RAC1: variants seen among roughly 807,000 people sequenced by gnomAD.
The protein encoded by RAC1 is ras-related C3 botulinum toxin substrate 1.
In RAC1, 2 loss-of-function variants were observed where a neutral mutation model predicts 25.2. The observed-to-expected ratio is 0.08, with a 90% CI of 0.03 to 0.25. The LOEUF is 0.25. Among genes scored for constraint, RAC1 ranks in the 10% least tolerant of loss-of-function variants. The probability of loss-of-function intolerance (pLI) is 1.00; values close to 1 mark genes in which losing one functional copy is unlikely to be tolerated. For missense variants in RAC1, 50 were observed against 235.7 expected, an observed-to-expected ratio of 0.21 and a Z score of 5.16; for synonymous variants, 88 against 94.0, an observed-to-expected ratio of 0.94 and a Z score of 0.37.
intron 1 of RAC1, among the ~76,000 whole-genome samples, chr7:6,378,253 G>A (rs1441740853): frequency 3.3e-5 from 5 of 151,736 alleles, no homozygotes. Flanking sequence ...ACACCCGTAT[G>A]AAAATATGTC....
chr7:6,377,307 G>A (rs1782635433), intron 1 of RAC1, among the ~76,000 whole-genome samples: 1 of 151,954 alleles, frequency 6.6e-6, no homozygotes, highest in Non-Finnish European at 1.5e-5. Context: ...GAAGTGAAAT[G>A]TACCTGGCCA....
intron 3 of RAC1, among the ~76,000 whole-genome samples, chr7:6,395,060 T>C (rs836473): frequency 3.3e-4 from 50 of 152,028 alleles, no homozygotes; most frequent in Non-Finnish European, 5.6e-4. Context: ...TTCACCATGT[T>C]AGCCAGGATG....
chr7:6,388,100 C>T (rs1300833361), intron 2 of RAC1, among the ~76,000 whole-genome samples: 1 of 152,050 alleles, frequency 6.6e-6, no homozygotes, highest in African/African-American at 2.4e-5. Flanking sequence ...TATTGAATTG[C>T]TTACTCCCTA....
At chr7:6,396,389 C>T (rs1372123691) in intron 3 of RAC1, among the ~76,000 whole-genome samples, 3 of 152,096 alleles carry the variant, frequency 2.0e-5, no homozygotes, top group African/African-American at 4.8e-5. Context: ...ACCAGAAGCA[C>T]TAGACAGGGT....
intron 1 of RAC1, among the ~76,000 whole-genome samples, chr7:6,386,327 G>A (rs1009737966): frequency 2.0e-5 from 3 of 152,178 alleles, no homozygotes; most frequent in African/African-American, 4.8e-5. Context: ...GCAGTTACGT[G>A]TGGTAGTTTA....
At position 6,387,301 on chromosome 7, in the gene RAC1, G is replaced by T. The variant is rs557770932; in HGVS notation, c.107+18G>T. 7 of 1,493,060 alleles carry T rather than the reference G, an allele frequency of 4.7e-6. No individual in the cohort carries two copies. The South Asian group carries it at 4.9e-5, about 10-fold the overall frequency. 92.5% of individuals were successfully genotyped at this position (1,493,060 alleles called of 1,614,324 possible). ...CCTACTGTGTAAGTATCTTAAATTGGGAATTAACCTGTTTGTGTTACGGGT... is the reference window on the plus strand; with the variant it reads ...CCTACTGTGTAAGTATCTTAAATTGTGAATTAACCTGTTTGTGTTACGGGT... On this transcript the variant is annotated intron_variant, in intron 2 of 5. Transcript: ENST00000348035.
At chr7:6,396,235 C>G (rs1449853438) in intron 3 of RAC1, among the ~76,000 whole-genome samples, 3 of 152,150 alleles carry the variant, frequency 2.0e-5, no homozygotes, top group African/African-American at 7.2e-5. Flanking sequence ...TGGAGAGACA[C>G]CGGTGGTGCC....
In RAC1 at chr7:6,399,172, C is replaced by T. The variant is rs35258488; in HGVS notation, c.226-954C>T. 7.9e-3 allele frequency among the ~76,000 whole-genome samples: 1,198 copies of T among 152,244 alleles called. 13 individuals are homozygous for T. The highest frequency in any genetic ancestry group is 0.027 in the African/African-American group (1,141 of 41,556). ...GTGCTTGAGATGGTGTGCTGGGTGCCGCGGTGATTCTTGGACGAGCTTGTG... is the reference window on the plus strand; with the variant it reads ...GTGCTTGAGATGGTGTGCTGGGTGCTGCGGTGATTCTTGGACGAGCTTGTG... On this transcript the variant is annotated intron_variant, in intron 3 of 5. Transcript: ENST00000348035.
Position 6,394,711 on chromosome 7 carries a change from G to A in RAC1, c.225+2670G>A, listed in dbSNP as rs189251336. ...TTGTTGTTGTTTGAGACAGAGTTTC[G>A]CTCTTGTTGCCCAGGCTGGAGTGCA... On this transcript the variant is annotated intron_variant, in intron 3 of 5. Coordinates refer to ENST00000348035, the MANE Select transcript of RAC1 (RefSeq NM_006908.5). 1.4e-3 allele frequency among the ~76,000 whole-genome samples: 212 copies of A among 152,090 alleles called. 4 individuals are homozygous for A. The highest frequency in any genetic ancestry group is 4.4e-3 in the African/African-American group (181 of 41,502).
At chr7:6,402,049 C>A in intron 5 of RAC1, 22 bp downstream of exon 5, 1 of 1,608,376 alleles carries the variant, frequency 6.2e-7, no homozygotes. Context: ...TGTGTTTTTC[C>A]TCCTCCTTGT....
At chr7:6,397,287 T>C (rs1191834865) in intron 3 of RAC1, among the ~76,000 whole-genome samples, 1 of 146,724 alleles carries the variant, frequency 6.8e-6, no homozygotes, top group African/African-American at 2.5e-5. Flanking sequence ...TTGAGTGAGA[T>C]GAAATTAAAA....
chr7:6,395,078 T>C (rs896924030), intron 3 of RAC1, among the ~76,000 whole-genome samples: 3 of 152,040 alleles, frequency 2.0e-5, no homozygotes, highest in Non-Finnish European at 2.9e-5. Context: ...ATGGTCTTGA[T>C]CTCCTGAGCT....
chr7:6,377,212 T>TA (rs57259305), intron 1 of RAC1, among the ~76,000 whole-genome samples: 10,058 of 151,810 alleles, frequency 0.066, 972 homozygotes, highest in East Asian at 0.5. Context: ...TTTTTTTTTT[T>TA]AATTAGTTAT....
intron 3 of RAC1, among the ~76,000 whole-genome samples, chr7:6,393,075 C>G (rs948840370): frequency 6.6e-6 from 1 of 152,018 alleles, no homozygotes; most frequent in Non-Finnish European, 1.5e-5. Flanking sequence ...CCTGGGTTGG[C>G]CGGAGGGATT....
Position 6,402,418 on chromosome 7 carries a change from A to G in RAC1, c.551A>G (p.Lys184Arg). The G allele has an allele frequency of 6.3e-7, 1 of 1,598,174 alleles. No homozygotes were observed. Among genetic ancestry groups the G allele is most frequent in the East Asian group, 2.3e-5 (1 of 43,454 alleles). Residue 184 changes from lysine to arginine, a missense_variant, in exon 6 of 6, where the codon AAG (lysine) becomes AGG (arginine). Lys to Arg is a conservative substitution (Grantham distance 26, BLOSUM62 2). Transcript: ENST00000348035. ...GTCCTCTGCCCGCCTCCCGTGAAGAAGAGGAAGAGAAAATGCCTGCTGTTG... is the reference window on the plus strand; with the variant it reads ...GTCCTCTGCCCGCCTCCCGTGAAGAGGAGGAAGAGAAAATGCCTGCTGTTG... ...RAVLCPPPVKKRKRKCLLL is the reference protein window; with the variant it reads ...RAVLCPPPVKRRKRKCLLL
intron 3 of RAC1, 102 bp from the exon 4 acceptor site, chr7:6,400,024 C>A: frequency 9.5e-7 from 1 of 1,052,088 alleles, no homozygotes; most frequent in Non-Finnish European, 1.5e-6. Flanking sequence ...GGTAGACACG[C>A]TCTGCGTCCA....
In RAC1 at chr7:6,391,906, T is replaced by G. The variant is rs768044712; in HGVS notation, c.108-18T>G. ...AGCTTCTACACCTGTGACTAACCAT[T>G]TTCATTCCATTCTACAGCTTTGACA... On this transcript the variant is annotated intron_variant, in intron 2 of 5. Coordinates refer to ENST00000348035, the MANE Select transcript of RAC1 (RefSeq NM_006908.5). 2 of 1,613,900 alleles carry G rather than the reference T, an allele frequency of 1.2e-6. No homozygotes were observed. The highest frequency in any genetic ancestry group is 1.3e-5 in the African/African-American group (1 of 74,902).
At chr7:6,401,603 C>CG (rs926540530) in intron 4 of RAC1, 14 of 274,372 alleles carry the variant, frequency 5.1e-5, no homozygotes, top group South Asian at 3.8e-4. Context: ...TCCCTTCCCC[C>CG]CTTCCCCTGC....
chr7:6,394,305 T>C lies in RAC1; in HGVS notation c.225+2264T>C, dbSNP rs571638422. Among the ~76,000 whole-genome samples the C allele has an allele frequency of 3.6e-4, 55 of 152,356 alleles. 1 individual carries two copies. The South Asian group carries it at 7.3e-3, about 20-fold the overall frequency. On this transcript the variant is annotated intron_variant, in intron 3 of 5. Transcript: ENST00000348035. The stretch of plus-strand genomic sequence containing the variant: ...AGGTAGTCGCCATTCTTAGTTGAAA[T>C]TGCCCTTCAGGTTTTTATTTCCCGA...
Sources: allele counts gnomAD v4.1 joint callset (sites outside exome capture counted in the v4.1 genomes callset), GRCh38; gene constraint gnomAD v4.1.1; transcripts MANE v1.5; gene names NCBI Gene and HGNC (gene_info 2026-07-23, HGNC 2026-07-21).